SGK2: variants seen among roughly 807,000 people sequenced by gnomAD.
The protein encoded by SGK2 is serum/glucocorticoid regulated kinase 2.
Under a neutral mutation model 47.5 loss-of-function variants are expected in SGK2, and 36 were observed. The observed-to-expected ratio is 0.76, with a 90% CI of 0.58 to 1.00. The LOEUF (loss-of-function observed/expected upper bound fraction) is 1.00. SGK2 is among the 50% of genes least tolerant of loss of function. The probability of loss-of-function intolerance (pLI) is 0.00; values close to 1 mark genes in which losing one functional copy is unlikely to be tolerated. For synonymous variants in SGK2, 157 were observed against 181.9 expected, an observed-to-expected ratio of 0.86 and a Z score of 1.10; for missense variants, 404 against 467.4, an observed-to-expected ratio of 0.86 and a Z score of 1.25.
At chr20:43,567,200 T>G in intron 3 of SGK2, 83 bp downstream of exon 3, 1 of 1,169,694 alleles carries the variant, frequency 8.5e-7, no homozygotes, top group South Asian at 1.2e-5. Flanking sequence ...AAATCCAGAT[T>G]CTCTGGTCTA....
chr20:43,570,909 C>T (rs1980069856), intron 7 of SGK2, 115 bp from the exon 8 acceptor site: 1 of 1,528,378 alleles, frequency 6.5e-7, no homozygotes, highest in Non-Finnish European at 9.0e-7. Flanking sequence ...CCTTCTGCAT[C>T]TCTGGCAACC....
chr20:43,569,559 C>A (rs775787941), intron 6 of SGK2, 43 bp downstream of exon 6: 1 of 1,604,196 alleles, frequency 6.2e-7, no homozygotes, highest in South Asian at 1.1e-5. Context: ...TGGCTCTCGG[C>A]TGGGAGCTGT....
chr20:43,573,616 C>T (rs1015644977), intron 9 of SGK2, among the ~76,000 whole-genome samples: 6 of 152,132 alleles, frequency 3.9e-5, no homozygotes, highest in Non-Finnish European at 7.4e-5. Context: ...AGGCTACAGA[C>T]TGGGAGACTC....
At chr20:43,573,999 G>C (rs540287461) in intron 9 of SGK2, among the ~76,000 whole-genome samples, 1 of 152,322 alleles carries the variant, frequency 6.6e-6, no homozygotes, top group East Asian at 1.9e-4. Flanking sequence ...CCCATTGTTT[G>C]AGGGCCAGCA....
intron 10 of SGK2, 74 bp downstream of exon 10, chr20:43,575,078 C>A: frequency 1.0e-6 from 1 of 974,898 alleles, no homozygotes; most frequent in Non-Finnish European, 1.6e-6. Flanking sequence ...TCTACACAAG[C>A]TCTGTCCAGG....
At position 43,579,978 on chromosome 20, in the gene SGK2, A is replaced by G. The variant is rs780648362; in HGVS notation, c.856A>G (p.Ile286Val). 8.9e-5 allele frequency: 143 copies of G among 1,613,120 alleles called. No homozygotes were observed. The highest frequency in any genetic ancestry group is 1.6e-4 in the Middle Eastern group (1 of 6,080). ...RLGSKADFLE[I>V]KNHVFFSPIN... is the part of the protein sequence containing the mutation. ...TTTTCTGCACTTCCTGCAGCTTGAG[A>G]TTAAGAACCATGTATTCTTCAGCCC... The change falls in exon 12 of 13, where the codon ATT (isoleucine) becomes GTT (valine). Residue 286 changes from isoleucine to valine, a missense_variant. Transcript: ENST00000373100.
intron 1 of SGK2, among the ~76,000 whole-genome samples, 186 bp downstream of exon 1, chr20:43,559,345 G>A (rs1341301485): frequency 6.6e-6 from 1 of 151,190 alleles, no homozygotes; most frequent in Non-Finnish European, 1.5e-5. Context: ...TGCTTTCTCA[G>A]CTGCCTAATT....
intron 12 of SGK2, among the ~76,000 whole-genome samples, chr20:43,581,836 G>A (rs1280527938): frequency 6.6e-6 from 1 of 151,642 alleles, no homozygotes; most frequent in Non-Finnish European, 1.5e-5. Context: ...GCCATTTTTA[G>A]GTTGTTGATT....
intron 7 of SGK2, 135 bp downstream of exon 7, chr20:43,570,864 C>T (rs1980066118): frequency 4.6e-6 from 6 of 1,304,744 alleles, no homozygotes; most frequent in Admixed American, 3.6e-5. Flanking sequence ...GAGTCTCCTC[C>T]TCCGAGGTCC....
chr20:43,571,988 G>A (rs1226125585), intron 8 of SGK2, 63 bp from the exon 9 acceptor site: 5 of 1,228,200 alleles, frequency 4.1e-6, no homozygotes, highest in South Asian at 1.3e-5. Context: ...GGCTTTGGGG[G>A]TTAGGCCTGG....
chr20:43,580,073 C>T lies in SGK2; in HGVS notation c.939+12C>T, dbSNP rs1379688706. ...TCAACCCAAATGTGGTAAGAGGTCACAGCATTCTAGACTCTGGATTTCCGG... is the reference window on the plus strand; with the variant it reads ...TCAACCCAAATGTGGTAAGAGGTCATAGCATTCTAGACTCTGGATTTCCGG... On this transcript the variant is annotated intron_variant, in intron 12 of 12. Transcript: ENST00000373100. The T allele has an allele frequency of 1.3e-6, 2 of 1,554,814 alleles. No individual in the cohort carries two copies. The highest frequency in any genetic ancestry group is 2.3e-5 in the East Asian group (1 of 44,054).
chr20:43,583,735 G>C, intron 12 of SGK2: 1 of 406,736 alleles, frequency 2.5e-6, no homozygotes, highest in Non-Finnish European at 3.3e-6. Context: ...TTATGAGGCC[G>C]AGCTATTAGC....
chr20:43,580,509 C>T (rs1354499852), intron 12 of SGK2, among the ~76,000 whole-genome samples: 1 of 151,976 alleles, frequency 6.6e-6, no homozygotes, highest in East Asian at 1.9e-4. Flanking sequence ...GGGTAGATCA[C>T]TTGAGGTCAG....
chr20:43,574,817 C>T, intron 9 of SGK2, 92 bp from the exon 10 acceptor site: 1 of 847,784 alleles, frequency 1.2e-6, no homozygotes, highest in Non-Finnish European at 1.9e-6. Flanking sequence ...GCAGGGTCAG[C>T]TCTTGGTCAT....
intron 11 of SGK2, among the ~76,000 whole-genome samples, chr20:43,577,081 A>G (rs1412791329): frequency 1.3e-5 from 2 of 152,164 alleles, no homozygotes; most frequent in Non-Finnish European, 2.9e-5. Context: ...AGGGGGGGCA[A>G]ATTAATAGCG....
chr20:43,571,260 G>A (rs1158296049), intron 8 of SGK2, among the ~76,000 whole-genome samples, 200 bp downstream of exon 8: 1 of 152,230 alleles, frequency 6.6e-6, no homozygotes, highest in Admixed American at 6.5e-5. Context: ...GACTGTACAT[G>A]TATATGTGTG....
chr20:43,575,064 G>A (rs1319609630), intron 10 of SGK2, 60 bp downstream of exon 10: 3 of 1,139,718 alleles, frequency 2.6e-6, no homozygotes, highest in East Asian at 2.4e-5. Flanking sequence ...TGTCTCTCAT[G>A]TGGTCTACAC....
chr20:43,569,800 C>T (rs1979987157), intron 6 of SGK2, among the ~76,000 whole-genome samples: 2 of 152,132 alleles, frequency 1.3e-5, no homozygotes, highest in South Asian at 4.1e-4. Context: ...CTTTGATAGG[C>T]CCGGGAAAGG....
chr20:43,564,152 G>A (rs1423257636), intron 1 of SGK2, among the ~76,000 whole-genome samples: 1 of 152,258 alleles, frequency 6.6e-6, no homozygotes, highest in Admixed American at 6.5e-5. Flanking sequence ...GCCCCAGGCA[G>A]CAAGGCCTTC....
Sources: gnomAD v4.1 joint callset for allele counts (sites outside exome capture counted in the v4.1 genomes callset) on GRCh38, gnomAD v4.1.1 for gene constraint, MANE v1.5 for transcripts, NCBI Gene and HGNC (gene_info 2026-07-23, HGNC 2026-07-21) for gene names.